PCDHA2: variants seen among roughly 807,000 people sequenced by gnomAD.
The protein encoded by PCDHA2 is protocadherin alpha 2, also known as protocadherin alpha-2.
A neutral mutation model predicts 66.0 loss-of-function variants in PCDHA2; 58 were observed. The observed-to-expected ratio is 0.88, with a 90% confidence interval of 0.71 to 1.09. The LOEUF is 1.09. Among genes scored for constraint, PCDHA2 ranks in the 50% least tolerant of loss-of-function variants. The probability of loss-of-function intolerance (pLI) is 0.00; values close to 1 mark genes in which losing one functional copy is unlikely to be tolerated. For missense variants in PCDHA2, 1,267 were observed against 1,242.3 expected (o/e 1.02, Z -0.30); for synonymous variants, 634 against 554.0 (o/e 1.14, Z -2.03).
At position 140,850,017 on chromosome 5, in the gene PCDHA2, G is replaced by T. The variant is rs2150463566; in HGVS notation, c.2388+52665G>T. ...GGGCGAGCGCTCGCTGTCGAGCTAC[G>T]TGTCAGTGCACGCGGAGAGCGGCAA... is the stretch of plus-strand genomic sequence containing the variant. On this transcript the variant is annotated intron_variant, in intron 1 of 3. Transcript: ENST00000526136. The T allele has an allele frequency of 5.6e-6, 9 of 1,596,972 alleles. 2 individuals are homozygous for T. The highest frequency in any genetic ancestry group is 6.9e-6 in the Non-Finnish European group (8 of 1,167,832).
chr5:140,968,868 A>G, intron 1 of PCDHA2: 6 of 1,614,140 alleles, frequency 3.7e-6, no homozygotes, highest in Non-Finnish European at 5.1e-6. Flanking sequence ...CCTCGGACAT[A>G]CTCTGAAATT....
At chr5:140,872,392 T>C (rs2053635930) in intron 1 of PCDHA2, among the ~76,000 whole-genome samples, 1 of 152,152 alleles carries the variant, frequency 6.6e-6, no homozygotes, top group African/African-American at 2.4e-5. Flanking sequence ...TTTGGGAGGC[T>C]GAGGCAGGAG....
chr5:140,857,164 C>T, intron 1 of PCDHA2: 1 of 1,598,342 alleles, frequency 6.3e-7, no homozygotes, highest in Non-Finnish European at 8.6e-7. Context: ...CCCTAATCAG[C>T]GTTTCTGACC....
At chr5:140,810,733 A>T (rs1251780244) in intron 1 of PCDHA2, 5 of 151,620 alleles carry the variant, frequency 3.3e-5, no homozygotes, top group African/African-American at 1.2e-4. Flanking sequence ...TTTTCTTATT[A>T]CTTAAACAAA....
chr5:140,939,005 G>A (rs2092293653), intron 1 of PCDHA2, among the ~76,000 whole-genome samples: 1 of 152,200 alleles, frequency 6.6e-6, no homozygotes, highest in Non-Finnish European at 1.5e-5. Flanking sequence ...AAGTTAAGAA[G>A]TGTTACTTTT....
intron 1 of PCDHA2, chr5:140,966,987 C>T (rs782372991): frequency 6.2e-7 from 1 of 1,604,132 alleles, no homozygotes; most frequent in South Asian, 1.1e-5. Context: ...CGCTTGGGGC[C>T]GGGTTGCTTG....
rs782065685 is a variant in PCDHA2, at chr5:140,870,421, G to T, written c.2388+73069G>T. 9.3e-6 allele frequency: 15 copies of T among 1,614,096 alleles called. No individual in the cohort carries two copies. The highest frequency in any genetic ancestry group is 1.3e-5 in the Non-Finnish European group (15 of 1,180,046). On this transcript the variant is annotated intron_variant, in intron 1 of 3. Coordinates refer to ENST00000526136, the MANE Select transcript of PCDHA2 (RefSeq NM_018905.3). ...GCCTTCTCTGTGGGCCACGGCCAGG[G>T]TATCCGTGGAGGTGGCCGACGTGAA...
At chr5:140,821,339 G>T (rs1554128068) in intron 1 of PCDHA2, among the ~76,000 whole-genome samples, 1 of 152,082 alleles carries the variant, frequency 6.6e-6, no homozygotes, top group African/African-American at 2.4e-5. Flanking sequence ...AAGGATTGGG[G>T]TTTCATGACT....
At chr5:140,936,833 A>G (rs186890408) in intron 1 of PCDHA2, among the ~76,000 whole-genome samples, 1 of 152,276 alleles carries the variant, frequency 6.6e-6, no homozygotes, top group East Asian at 1.9e-4. Context: ...GCATTTCTAT[A>G]TAAATTGTAG....
intron 1 of PCDHA2, chr5:140,822,289 A>T: frequency 1.2e-6 from 2 of 1,614,240 alleles, no homozygotes; most frequent in Admixed American, 1.7e-5. Flanking sequence ...ATACAGGTTA[A>T]ATCCAAACGA....
intron 1 of PCDHA2, chr5:140,884,671 A>G (rs1554181819): frequency 1.3e-6 from 2 of 1,562,846 alleles, no homozygotes; most frequent in African/African-American, 2.7e-5. Context: ...AGGTAAGCTT[A>G]TATTTTAAAA....
intron 1 of PCDHA2, among the ~76,000 whole-genome samples, chr5:140,889,720 T>G (rs1259294888): frequency 2.6e-5 from 4 of 152,240 alleles, no homozygotes; most frequent in African/African-American, 9.6e-5. Context: ...TCTTTGCTAC[T>G]GTCTCACTGA....
intron 3 of PCDHA2, among the ~76,000 whole-genome samples, chr5:141,003,459 GCAC>G (rs1442979686): frequency 6.6e-6 from 1 of 152,028 alleles, no homozygotes; most frequent in African/African-American, 2.4e-5. Context: ...TTACAGGCGT[GCAC>G]CACCACAGTC....
chr5:140,918,403 C>G (rs192008600), intron 1 of PCDHA2, among the ~76,000 whole-genome samples: 1 of 152,278 alleles, frequency 6.6e-6, no homozygotes, highest in African/African-American at 2.4e-5. Flanking sequence ...CCTGATTTCT[C>G]TGGCCAGGAC....
intron 1 of PCDHA2, chr5:140,824,610 G>GTTGTT (rs1768193318): frequency 4.2e-5 from 4 of 95,102 alleles, no homozygotes; most frequent in African/African-American, 1.9e-4. Flanking sequence ...GCTAATTAAA[G>GTTGTT]TTTTTTTTTT....
intron 1 of PCDHA2, among the ~76,000 whole-genome samples, chr5:140,915,001 AGT>A (rs1563002922): frequency 6.9e-6 from 1 of 144,988 alleles, no homozygotes; most frequent in Non-Finnish European, 1.5e-5. Flanking sequence ...GCTGGAGTGC[AGT>A]GGCCTGATCT....
At chr5:140,879,876 A>G (rs1326051828) in intron 1 of PCDHA2, among the ~76,000 whole-genome samples, 1 of 152,126 alleles carries the variant, frequency 6.6e-6, no homozygotes, top group Non-Finnish European at 1.5e-5. Flanking sequence ...TCATGGTCAC[A>G]TTGCCTCCTC....
chr5:140,870,426 C>A (rs574302735), intron 1 of PCDHA2: 1 of 1,614,090 alleles, frequency 6.2e-7, no homozygotes, highest in Non-Finnish European at 8.5e-7. Context: ...CCAGGGTATC[C>A]GTGGAGGTGG....
At chr5:140,917,305 C>A (rs1554197951) in intron 1 of PCDHA2, among the ~76,000 whole-genome samples, 1 of 137,092 alleles carries the variant, frequency 7.3e-6, no homozygotes, top group Non-Finnish European at 1.5e-5. Flanking sequence ...ATAGTTGTTA[C>A]AATTTGGTGT....
Sources: allele counts gnomAD v4.1 joint callset (sites outside exome capture counted in the v4.1 genomes callset), GRCh38; gene constraint gnomAD v4.1.1; transcripts MANE v1.5; gene names NCBI Gene and HGNC (gene_info 2026-07-23, HGNC 2026-07-21).